Variants in LRRK1 observed in about 807,000 individuals in gnomAD.
LRRK1 encodes leucine rich repeat kinase 1, also known as leucine-rich repeat serine/threonine-protein kinase 1.
LRRK1 carries 113 observed loss-of-function variants against 209.1 expected under a neutral mutation model. That is an observed-to-expected ratio of 0.54 (90% CI 0.46 to 0.63). The LOEUF (loss-of-function observed/expected upper bound fraction) is 0.63, where lower values mean the gene tolerates loss of function less well. LRRK1 is among the 30% of genes least tolerant of loss of function. The pLI is 0.00. For synonymous variants in LRRK1, 1,144 were observed against 1,099.7 expected, an observed-to-expected ratio of 1.04 and a Z score of -0.80; for missense variants, 2,284 against 2,632.2, an observed-to-expected ratio of 0.87 and a Z score of 2.89.
At chr15:100,952,314 T>C (rs1486255794) in intron 2 of LRRK1, among the ~76,000 whole-genome samples, 1 of 152,252 alleles carries the variant, frequency 6.6e-6, no homozygotes, top group Non-Finnish European at 1.5e-5. Flanking sequence ...AATTTTATGA[T>C]ACGTGAATTA....
intron 2 of LRRK1, among the ~76,000 whole-genome samples, chr15:100,926,680 C>CTTTTTTTTTTTTTTTTTTTTTTTTTTT (rs71151990): frequency 9.8e-5 from 8 of 81,844 alleles, no homozygotes; most frequent in East Asian, 4.1e-4. Flanking sequence ...TTCTTTTTTT[C>CTTTTTTTTTTTTTTTTTTTTTTTTTTT]TTTTTTTTTT....
chr15:101,068,648 C>T (rs1238205447), intron 33 of LRRK1, 23 bp from the exon 34 acceptor site: 1 of 1,549,334 alleles, frequency 6.5e-7, no homozygotes, highest in Non-Finnish European at 8.7e-7. Context: ...TGTGAGTTTC[C>T]TCAGACCCCC....
At chr15:101,053,861 G>A (rs1204463667) in intron 26 of LRRK1, among the ~76,000 whole-genome samples, 2 of 152,214 alleles carry the variant, frequency 1.3e-5, no homozygotes, top group African/African-American at 4.8e-5. Flanking sequence ...CTTGAGAAAA[G>A]AGCAGCTAAA....
chr15:101,005,574 C>A (rs2032906606), intron 6 of LRRK1, among the ~76,000 whole-genome samples: 1 of 152,204 alleles, frequency 6.6e-6, no homozygotes, highest in African/African-American at 2.4e-5. Context: ...GATGAGCACA[C>A]CTCACACCCA....
At chr15:101,062,397 C>T (rs2036239926) in intron 30 of LRRK1, 177 bp from the exon 31 acceptor site, 1 of 564,698 alleles carries the variant, frequency 1.8e-6, no homozygotes, top group East Asian at 2.9e-5. Context: ...CTGTCTTTTT[C>T]AACGTTTCTA....
intron 15 of LRRK1, among the ~76,000 whole-genome samples, chr15:101,023,452 G>A (rs559957234): frequency 6.6e-6 from 1 of 152,306 alleles, no homozygotes; most frequent in African/African-American, 2.4e-5. Flanking sequence ...GACTGTTGGT[G>A]GGAACTCCAT....
chr15:101,068,356 G>A (rs929052052), intron 33 of LRRK1, among the ~76,000 whole-genome samples: 1 of 152,132 alleles, frequency 6.6e-6, no homozygotes, highest in African/African-American at 2.4e-5. Flanking sequence ...TTTTCTGGAC[G>A]CTTTGGGAGC....
chr15:100,973,083 T>C (rs992728108), intron 2 of LRRK1, among the ~76,000 whole-genome samples: 2 of 152,242 alleles, frequency 1.3e-5, no homozygotes, highest in African/African-American at 4.8e-5. Context: ...CGGCTCCTCC[T>C]GCACCCAGCG....
chr15:100,950,813 A>G (rs2042629399), intron 2 of LRRK1, among the ~76,000 whole-genome samples: 1 of 152,258 alleles, frequency 6.6e-6, no homozygotes, highest in African/African-American at 2.4e-5. Context: ...CCCAATTTAA[A>G]AAAGAGCAGG....
At chr15:100,995,836 T>C (rs545520927) in intron 6 of LRRK1, among the ~76,000 whole-genome samples, 69 of 152,354 alleles carry the variant, frequency 4.5e-4, no homozygotes, top group Non-Finnish European at 7.6e-4. Context: ...GGGAAATTAT[T>C]AATTTCCTTT....
chr15:101,064,258 G>A (rs891245997), intron 31 of LRRK1, among the ~76,000 whole-genome samples: 8 of 152,198 alleles, frequency 5.3e-5, no homozygotes, highest in East Asian at 1.9e-4. Context: ...AGTGAGCTAC[G>A]GGTCTCCACT....
At chr15:101,029,547 G>A (rs138929223) in intron 20 of LRRK1, among the ~76,000 whole-genome samples, 1,490 of 146,492 alleles carry the variant, frequency 0.01, 15 homozygotes, top group South Asian at 0.026. Flanking sequence ...CACTTTACAG[G>A]GGCTTGATTG....
rs2034009123 is a variant in LRRK1, at chr15:101,025,971, G to A, written c.2239G>A (p.Ala747Thr). ...QFWLLNIEAK[A>T]PNAVVLVVGT... Reference sequence around the variant, plus strand: ...GTGGGGTTCTCTGTTGCAGGCCAAGGCCCCAAACGCCGTGGTGCTGGTGGT... The same window carrying A: ...GTGGGGTTCTCTGTTGCAGGCCAAGACCCCAAACGCCGTGGTGCTGGTGGT... The change falls in exon 17 of 34, where the codon GCC becomes ACC. Residue 747 changes from alanine (A) to threonine (T), a missense_variant. Physicochemically the swap from Ala to Thr is moderately conservative, Grantham distance 58 (BLOSUM62 0). This residue lies in a region of LRRK1 where 780 missense variants were observed against 985.2 expected (regional missense o/e 0.79). Transcript: ENST00000388948. The A allele has an allele frequency of 6.2e-7, 1 of 1,614,174 alleles. No individual in the cohort carries two copies. The highest frequency in any genetic ancestry group is 8.5e-7 in the Non-Finnish European group (1 of 1,180,038).
intron 12 of LRRK1, among the ~76,000 whole-genome samples, chr15:101,016,478 G>A (rs1041691720): frequency 1.3e-5 from 2 of 149,712 alleles, no homozygotes; most frequent in East Asian, 3.9e-4. Flanking sequence ...GAGCCACCAC[G>A]CCCGGCCCCT....
chr15:100,929,427 T>A (rs1211665051), intron 2 of LRRK1, among the ~76,000 whole-genome samples: 1 of 152,242 alleles, frequency 6.6e-6, no homozygotes, highest in Admixed American at 6.5e-5. Flanking sequence ...GGTTGTTTCA[T>A]GGCTACTTCC....
At chr15:100,934,802 C>CAAAAA (rs56258040) in intron 2 of LRRK1, among the ~76,000 whole-genome samples, 8,373 of 53,064 alleles carry the variant, frequency 0.16, 445 homozygotes, top group South Asian at 0.25. Flanking sequence ...GAAACTGTCT[C>CAAAAA]AAAAAAAAAA....
At position 101,056,794 on chromosome 15, in the gene LRRK1, G is replaced by A. The variant is rs114130099; in HGVS notation, c.4333-62G>A. The A allele has an allele frequency of 7.0e-4, 970 of 1,392,056 alleles. 9 individuals carry two copies. The African/African-American group carries it at 0.012, about 17-fold the overall frequency. The allele number at this position is 1,392,056 out of a possible 1,614,324, so 86.2% of individuals were successfully genotyped here. ...TGTCTCCCTGGTCCCTCCACCTGAG[G>A]GCCACCTTGTGAAGGCCACTGGGCC... On this transcript the variant is annotated intron_variant, in intron 27 of 33. Coordinates refer to ENST00000388948, the MANE Select transcript of LRRK1 (RefSeq NM_024652.6).
At chr15:100,952,415 CA>C (rs1357435913) in intron 2 of LRRK1, among the ~76,000 whole-genome samples, 1 of 152,378 alleles carries the variant, frequency 6.6e-6, no homozygotes, top group African/African-American at 2.4e-5. Context: ...AGGGGTTATA[CA>C]CTCCCAGGCT....
At position 101,014,368 on chromosome 15, in the gene LRRK1, A is replaced by G. The variant is rs753186926; in HGVS notation, c.1472A>G (p.Gln491Arg). Residue 491 changes from glutamine (Q) to arginine (R), a missense_variant, in exon 11 of 34, where the codon CAA becomes CGA. Coordinates refer to ENST00000388948, the MANE Select transcript of LRRK1 (RefSeq NM_024652.6). ...QGNQLAALPP[Q>R]EKWTCRQLKT... ...AACCAGCTGGCGGCACTTCCACCTCAAGAGAAGTGGACCTGCAGGCAGCTC... is the reference window on the plus strand; with the variant it reads ...AACCAGCTGGCGGCACTTCCACCTCGAGAGAAGTGGACCTGCAGGCAGCTC... The G allele has an allele frequency of 1.1e-5, 17 of 1,613,870 alleles. No homozygotes were observed. Among genetic ancestry groups the G allele is most frequent in the Non-Finnish European group, 1.4e-5 (17 of 1,179,954 alleles).
Sources: gnomAD v4.1 joint callset for allele counts (sites outside exome capture counted in the v4.1 genomes callset) on GRCh38, gnomAD v4.1.1 for gene constraint, gnomAD v4.1.1 regional missense constraint, MANE v1.5 for transcripts, NCBI Gene and HGNC (gene_info 2026-07-23, HGNC 2026-07-21) for gene names.